Variants in EXOC3L2 observed in about 807,000 individuals in gnomAD.
EXOC3L2 encodes the protein exocyst complex component 3 like 2.
In EXOC3L2, 17 loss-of-function variants were observed where a neutral mutation model predicts 44.4. That is an observed-to-expected ratio of 0.38 (90% CI 0.26 to 0.57). The LOEUF is 0.57. Ranked by LOEUF, EXOC3L2 falls within the 20% of genes least tolerant of loss-of-function variation. The pLI is 0.65. For missense variants in EXOC3L2, 541 were observed against 588.4 expected (o/e 0.92, Z 0.83); for synonymous variants, 256 against 253.7 (o/e 1.01, Z -0.09).
intron 4 of EXOC3L2, among the ~76,000 whole-genome samples, chr19:45,229,467 C>T (rs58258155): frequency 0.083 from 12,089 of 146,222 alleles, 625 homozygotes; most frequent in African/African-American, 0.14. Flanking sequence ...TATACTATAG[C>T]ACATGAAATA....
chr19:45,229,499 A>C (rs1226353457), intron 4 of EXOC3L2, among the ~76,000 whole-genome samples: 7 of 147,608 alleles, frequency 4.7e-5, no homozygotes, highest in Non-Finnish European at 1.5e-5. Context: ...TTAACATATA[A>C]ATATTAAATA....
intron 8 of EXOC3L2, among the ~76,000 whole-genome samples, chr19:45,220,307 T>C (rs1969883238): frequency 6.6e-6 from 1 of 151,794 alleles, no homozygotes; most frequent in African/African-American, 2.4e-5. Context: ...CTATAATTTT[T>C]TTTTGTTTGT....
intron 8 of EXOC3L2, among the ~76,000 whole-genome samples, chr19:45,221,643 GCTT>G (rs1969899230): frequency 1.5e-5 from 2 of 133,656 alleles, no homozygotes; most frequent in South Asian, 4.8e-4. Context: ...GCCCAGCAGG[GCTT>G]TTTTTTTTTT....
In EXOC3L2 at chr19:45,212,958, T is replaced by C; in HGVS notation, c.*111A>G. Reference sequence around the variant, plus strand: ...GGGTGAAAAGACATCTAAGGGTCTTTCTATCCCAGGGGTGTGTGGTCCCAG... The same window carrying C: ...GGGTGAAAAGACATCTAAGGGTCTTCCTATCCCAGGGGTGTGTGGTCCCAG... On this transcript the variant is annotated 3_prime_UTR_variant, in exon 12 of 12. Transcript: ENST00000413988. The C allele has an allele frequency of 8.0e-7, 1 of 1,252,654 alleles. No homozygotes were observed. Among genetic ancestry groups the C allele is most frequent in the Non-Finnish European group, 1.0e-6 (1 of 955,924 alleles). 77.6% of individuals were successfully genotyped at this position (1,252,654 alleles called of 1,614,324 possible).
intron 8 of EXOC3L2, among the ~76,000 whole-genome samples, chr19:45,221,644 CTTTTTT>C (rs373572170): frequency 2.8e-4 from 26 of 91,820 alleles, no homozygotes; most frequent in South Asian, 3.4e-4. Context: ...CCCAGCAGGG[CTTTTTT>C]TTTTTTTTTT....
chr19:45,224,018 A>G (rs114034486), intron 8 of EXOC3L2, among the ~76,000 whole-genome samples: 13,215 of 151,916 alleles, frequency 0.087, 774 homozygotes, highest in African/African-American at 0.16. Context: ...TGAAACAGGC[A>G]TGAGAGGCAG....
At chr19:45,218,106 C>CCTCCCAAT in intron 9 of EXOC3L2, 91 bp downstream of exon 9, 2 of 1,404,504 alleles carry the variant, frequency 1.4e-6, no homozygotes, top group Non-Finnish European at 1.9e-6. Context: ...GCTCTCCCAA[C>CCTCCCAAT]CTCCCAATCT....
intron 11 of EXOC3L2, among the ~76,000 whole-genome samples, chr19:45,215,631 C>A (rs1969824384): frequency 6.6e-6 from 1 of 152,192 alleles, no homozygotes; most frequent in Admixed American, 6.5e-5. Flanking sequence ...ATACTACTAT[C>A]CCCATGGAAC....
chr19:45,235,802 G>A (rs1025314384), intron 2 of EXOC3L2, among the ~76,000 whole-genome samples: 5 of 152,190 alleles, frequency 3.3e-5, no homozygotes, highest in Admixed American at 1.3e-4. Flanking sequence ...AGGGAGCTGG[G>A]GCTGAAATAG....
intron 1 of EXOC3L2, among the ~76,000 whole-genome samples, chr19:45,239,809 C>G (rs527250805): frequency 1.4e-4 from 21 of 152,244 alleles, no homozygotes; most frequent in Admixed American, 2.6e-4. Flanking sequence ...AGTGAGCCAC[C>G]TCTGCTGGCC....
At chr19:45,233,106 C>G (rs1568483689) in intron 3 of EXOC3L2, among the ~76,000 whole-genome samples, 1 of 152,126 alleles carries the variant, frequency 6.6e-6, no homozygotes, top group Non-Finnish European at 1.5e-5. Context: ...ATCCCAGCTA[C>G]TCGGGAGGCT....
At chr19:45,215,978 T>C (rs1599759719) in intron 11 of EXOC3L2, 95 bp downstream of exon 11, 1 of 1,536,696 alleles carries the variant, frequency 6.5e-7, no homozygotes. Context: ...ACCGGCTCCC[T>C]CCCTCAGGAG....
Position 45,240,158 on chromosome 19 carries a change from G to A in EXOC3L2, c.-16-1097C>T, listed in dbSNP as rs1210040636. 2.0e-5 allele frequency among the ~76,000 whole-genome samples: 3 copies of A among 147,018 alleles called. No homozygotes were observed. In the Admixed American group the frequency reaches 2.1e-4, roughly 10 times the overall value. ...CTCACCCTGTCACCCAGGCTGGAGT[G>A]CAATGGCCCCATCATAGTTCACTGC... On this transcript the variant is annotated intron_variant, in intron 1 of 11. Coordinates refer to ENST00000413988, the MANE Select transcript of EXOC3L2 (RefSeq NM_001382422.1).
intron 4 of EXOC3L2, among the ~76,000 whole-genome samples, chr19:45,229,630 G>A (rs553116312): frequency 6.7e-6 from 1 of 149,548 alleles, no homozygotes; most frequent in East Asian, 1.9e-4. Context: ...CAGATCACCT[G>A]AGGTTGGGAG....
At chr19:45,228,292 C>T in intron 4 of EXOC3L2, 26 bp from the exon 5 acceptor site, 1 of 1,609,396 alleles carries the variant, frequency 6.2e-7, no homozygotes, top group Non-Finnish European at 8.5e-7. Flanking sequence ...GGGAGACAGG[C>T]AGGAGTTGGG....
intron 8 of EXOC3L2, among the ~76,000 whole-genome samples, 186 bp from the exon 9 acceptor site, chr19:45,218,505 TC>T (rs1969863327): frequency 6.6e-6 from 1 of 152,040 alleles, no homozygotes; most frequent in Non-Finnish European, 1.5e-5. Context: ...GAGAGACTGG[TC>T]CCCAGGTAGT....
chr19:45,238,885 C>T lies in EXOC3L2; in HGVS notation c.161G>A (p.Arg54His), dbSNP rs574096470. The T allele has an allele frequency of 2.9e-3, 1,170 of 399,188 alleles. 3 individuals are homozygous for T. Among genetic ancestry groups the T allele is most frequent in the Middle Eastern group, 5.0e-3 (8 of 1,590 alleles). The allele number at this position is 399,188 out of a possible 1,614,324, so 24.7% of individuals were successfully genotyped here. A position where few individuals can be genotyped will look rare whatever the true frequency, so the allele number is the denominator to read the frequency against. ...CGCAAGCTTCTCCAGGGTGGCGCGGCGGCGACAAGATGTTCCATTGGGGAG... is the reference window on the plus strand; with the variant it reads ...CGCAAGCTTCTCCAGGGTGGCGCGGTGGCGACAAGATGTTCCATTGGGGAG... The part of the protein sequence containing the change: ...GSLPNGTSCR[R>H]RATLEKLAGL... Residue 54 changes from arginine to histidine, a missense_variant, in exon 2 of 12, where the codon CGC becomes CAC. Transcript: ENST00000413988. This position sits in a 1 kb window ranked among gnomAD's most constrained non-coding sequence, Gnocchi z 5.5.
chr19:45,217,533 G>C lies in EXOC3L2; in HGVS notation c.1993C>G (p.Arg665Gly). The C allele has an allele frequency of 1.3e-6, 2 of 1,576,302 alleles. No individual in the cohort carries two copies. The highest frequency in any genetic ancestry group is 1.7e-6 in the Non-Finnish European group (2 of 1,168,172). The change falls in exon 10 of 12, where the codon CGG (arginine) becomes GGG (glycine). Residue 665 changes from arginine to glycine, a missense_variant. Coordinates refer to ENST00000413988, the MANE Select transcript of EXOC3L2 (RefSeq NM_001382422.1). ...AACCGCGTCCCGACACTGACCAGCC[G>C]CCGGAACAGCCTCTGCAGTTGCGCC... ...DAAQLQRLFR[R>G]LESQASWLDA...
chr19:45,223,760 G>A lies in EXOC3L2; in HGVS notation c.1719+1018C>T, dbSNP rs187784691. Among the ~76,000 whole-genome samples, 824 of 151,590 alleles carry A rather than the reference G, an allele frequency of 5.4e-3. 5 individuals carry two copies. The highest frequency in any genetic ancestry group is 0.019 in the African/African-American group (783 of 41,416). Reference sequence around the variant, plus strand: ...TAATCCCAGCACTTTGGGAGGCCGAGGTGGGCAGATCACATGAGGCCAGGA... The same window carrying A: ...TAATCCCAGCACTTTGGGAGGCCGAAGTGGGCAGATCACATGAGGCCAGGA... On this transcript the variant is annotated intron_variant, in intron 8 of 11. Coordinates refer to ENST00000413988, the MANE Select transcript of EXOC3L2 (RefSeq NM_001382422.1).
Sources: allele counts gnomAD v4.1 joint callset (sites outside exome capture counted in the v4.1 genomes callset), GRCh38; gene constraint gnomAD v4.1.1; non-coding constraint Gnocchi (gnomAD v3.1); transcripts MANE v1.5; gene names NCBI Gene and HGNC (gene_info 2026-07-23, HGNC 2026-07-21).